The following AFG2A variants were observed in gnomAD, a reference collection of about 807,000 sequenced individuals.
AFG2A encodes ATPase family gene 2 protein homolog A.
chr4:123,136,756 C>T, the AFG2A span, among the ~76,000 whole-genome samples: 40 of 149,442 alleles, frequency 2.7e-4, no homozygotes, highest in East Asian at 3.9e-3. Context: ...GCAGAAGAAT[C>T]GCTTGAACCC....
the AFG2A span, among the ~76,000 whole-genome samples, chr4:123,296,175 C>CAA: frequency 1.1e-4 from 13 of 121,544 alleles, no homozygotes; most frequent in Non-Finnish European, 1.7e-4. Flanking sequence ...AGTACTTGTT[C>CAA]AAAAAAAAAA....
At chr4:123,165,353 ATAAT>A in the AFG2A span, among the ~76,000 whole-genome samples, 4 of 152,262 alleles carry the variant, frequency 2.6e-5, no homozygotes, top group South Asian at 2.1e-4. Context: ...GTATGCTTAA[ATAAT>A]TCATGAATTT....
chr4:123,130,452 C>G, the AFG2A span, among the ~76,000 whole-genome samples: 1 of 152,244 alleles, frequency 6.6e-6, no homozygotes, highest in African/African-American at 2.4e-5. Context: ...CCACTGACCC[C>G]TGGCAACTAC....
the AFG2A span, among the ~76,000 whole-genome samples, chr4:123,094,161 G>T: frequency 6.6e-6 from 1 of 152,144 alleles, no homozygotes; most frequent in African/African-American, 2.4e-5. Context: ...ATCATCAGGG[G>T]ATCTTTCTTT....
chr4:123,251,091 T>TA, the AFG2A span, among the ~76,000 whole-genome samples: 1 of 151,906 alleles, frequency 6.6e-6, no homozygotes, highest in Non-Finnish European at 1.5e-5. Flanking sequence ...TAGCTACAGC[T>TA]AAAAAAAATA....
At chr4:123,167,485 G>C in the AFG2A span, among the ~76,000 whole-genome samples, 1 of 151,814 alleles carries the variant, frequency 6.6e-6, no homozygotes, top group Non-Finnish European at 1.5e-5. Context: ...GTAGCTGGGA[G>C]TACAGGCGCC....
chr4:123,010,609 C>T, the AFG2A span, among the ~76,000 whole-genome samples: 1 of 152,198 alleles, frequency 6.6e-6, no homozygotes, highest in East Asian at 1.9e-4. Context: ...AGCAGCCTGA[C>T]TCTAGTTAAC....
the AFG2A span, among the ~76,000 whole-genome samples, chr4:123,145,815 A>C: frequency 6.6e-6 from 1 of 152,112 alleles, no homozygotes; most frequent in African/African-American, 2.4e-5. Context: ...GTGGCATCCT[A>C]ATTACTGAAA....
chr4:123,150,380 C>T, the AFG2A span, among the ~76,000 whole-genome samples: 1 of 152,194 alleles, frequency 6.6e-6, no homozygotes, highest in Non-Finnish European at 1.5e-5. Context: ...AAAACCCCAT[C>T]ATCTCAGCCC....
At chr4:123,177,255 C>T in the AFG2A span, among the ~76,000 whole-genome samples, 6 of 147,268 alleles carry the variant, frequency 4.1e-5, no homozygotes, top group South Asian at 2.1e-4. Context: ...TGCAGTGGCA[C>T]GGTCTCGGCT....
At chr4:123,309,154 C>T in the AFG2A span, among the ~76,000 whole-genome samples, 8 of 152,164 alleles carry the variant, frequency 5.3e-5, no homozygotes, top group Non-Finnish European at 1.0e-4. Context: ...GATATTCTGC[C>T]AGAAATAGGA....
chr4:123,057,094 G>A, the AFG2A span: 1 of 987,556 alleles, frequency 1.0e-6, no homozygotes, highest in African/African-American at 1.6e-5. Context: ...AAAGTGACTG[G>A]GCTTGTTGAC....
chr4:122,927,906 G>A, the AFG2A span: 6 of 1,141,132 alleles, frequency 5.3e-6, no homozygotes, highest in Non-Finnish European at 7.3e-6. Context: ...GGGATGCTTA[G>A]CCAGTAAACA....
the AFG2A span, among the ~76,000 whole-genome samples, chr4:123,135,556 T>C: frequency 6.6e-6 from 1 of 152,218 alleles, no homozygotes; most frequent in East Asian, 1.9e-4. Context: ...CAACCACAGA[T>C]TGAAAATACT....
the AFG2A span, chr4:123,057,342 A>G: frequency 6.6e-7 from 1 of 1,508,776 alleles, no homozygotes; most frequent in East Asian, 2.3e-5. Flanking sequence ...GTTACATAAT[A>G]ATAGCAATTA....
At chr4:123,049,152 G>C in the AFG2A span, among the ~76,000 whole-genome samples, 1 of 152,236 alleles carries the variant, frequency 6.6e-6, no homozygotes, top group African/African-American at 2.4e-5. Context: ...TGTTAATGCA[G>C]TGTTCAATGT....
the AFG2A span, among the ~76,000 whole-genome samples, chr4:123,266,762 A>G: frequency 6.6e-6 from 1 of 151,868 alleles, no homozygotes; most frequent in African/African-American, 2.4e-5. Context: ...TAATATCCCT[A>G]TTTCGGCATA....
At chr4:123,310,829 A>G in the AFG2A span, among the ~76,000 whole-genome samples, 105,148 of 152,128 alleles carry the variant, frequency 0.69, 38,475 homozygotes, top group Non-Finnish European at 0.81. Flanking sequence ...GCAGAAGAAG[A>G]TGACCTTATT....
the AFG2A span, among the ~76,000 whole-genome samples, chr4:123,269,320 G>A: frequency 1.3e-5 from 2 of 152,210 alleles, no homozygotes; most frequent in Non-Finnish European, 2.9e-5. Context: ...AGATTCCACA[G>A]AGCAGTTTAA....
Sources: allele counts gnomAD v4.1 joint callset (sites outside exome capture counted in the v4.1 genomes callset), GRCh38; gene constraint gnomAD v4.1.1; transcripts MANE v1.5; gene names NCBI Gene and HGNC (gene_info 2026-07-23, HGNC 2026-07-21).